The following C6 variants were observed in gnomAD, a reference collection of about 807,000 sequenced individuals.
C6 encodes the protein complement C6.
In C6, 101 loss-of-function variants were observed where a neutral mutation model predicts 112.9. The ratio of observed to expected loss-of-function variants is 0.89; its 90% confidence interval spans 0.76 to 1.06. C6 has a LOEUF of 1.06. C6 is among the 50% of genes least tolerant of loss of function. The pLI is 0.00. For synonymous variants in C6, 431 were observed against 384.1 expected (o/e 1.12, Z -1.43); for missense variants, 1,202 against 1,104.6 (o/e 1.09, Z -1.25).
At chr5:41,227,927 G>T (rs1739625129) in intron 1 of C6, among the ~76,000 whole-genome samples, 1 of 152,028 alleles carries the variant, frequency 6.6e-6, no homozygotes, top group Admixed American at 6.6e-5. Flanking sequence ...TGCTCTTTTG[G>T]CTAAAGATTA....
intron 1 of C6, among the ~76,000 whole-genome samples, chr5:41,204,074 A>G (rs1751238569): frequency 6.6e-6 from 1 of 152,210 alleles, no homozygotes; most frequent in Admixed American, 6.5e-5. Context: ...CCACCCCGTT[A>G]TTGCCAGTTT....
At chr5:41,259,262 T>C (rs1157415703) in intron 1 of C6, among the ~76,000 whole-genome samples, 1 of 145,852 alleles carries the variant, frequency 6.9e-6, no homozygotes. Context: ...TAACCTTAGT[T>C]CTTCTTAATG....
At chr5:41,255,040 G>A (rs1440877613) in intron 1 of C6, among the ~76,000 whole-genome samples, 1 of 152,054 alleles carries the variant, frequency 6.6e-6, no homozygotes, top group Admixed American at 6.6e-5. Flanking sequence ...TGCTTTGAGG[G>A]GCCAACTAGA....
chr5:41,193,509 A>G (rs1750374043), intron 5 of C6, among the ~76,000 whole-genome samples: 1 of 152,224 alleles, frequency 6.6e-6, no homozygotes, highest in Non-Finnish European at 1.5e-5. Flanking sequence ...TATAAATCAA[A>G]AATATATATT....
At chr5:41,173,051 A>G (rs1426027278) in intron 8 of C6, among the ~76,000 whole-genome samples, 1 of 152,118 alleles carries the variant, frequency 6.6e-6, no homozygotes, top group Non-Finnish European at 1.5e-5. Context: ...TGTTAATTCA[A>G]GCCTGTACTT....
chr5:41,211,043 A>C (rs1751875235), intron 1 of C6, among the ~76,000 whole-genome samples: 1 of 152,214 alleles, frequency 6.6e-6, no homozygotes, highest in South Asian at 2.1e-4. Context: ...TACACCATGG[A>C]ATACTATGTA....
chr5:41,251,205 T>G (rs1741337293), intron 1 of C6, among the ~76,000 whole-genome samples: 1 of 152,182 alleles, frequency 6.6e-6, no homozygotes, highest in Non-Finnish European at 1.5e-5. Flanking sequence ...TACATGCAAG[T>G]TCTTAAATAA....
rs111959520 is a variant in C6, at chr5:41,148,802, G to A, written c.2623+439C>T. On this transcript the variant is annotated intron_variant, in intron 17 of 17. Coordinates refer to ENST00000337836, the MANE Select transcript of C6 (RefSeq NM_000065.5). Reference sequence around the variant, plus strand: ...TGGCTAGACTAAGGCACTGAAAGAAGACTGAAAGAAATTTCAGGAAGATGC... The same window carrying A: ...TGGCTAGACTAAGGCACTGAAAGAAAACTGAAAGAAATTTCAGGAAGATGC... Among the ~76,000 whole-genome samples, 736 of 152,286 alleles carry A rather than the reference G, an allele frequency of 4.8e-3. 5 individuals are homozygous for A. Among genetic ancestry groups the A allele is most frequent in the African/African-American group, 0.017 (713 of 41,552 alleles).
intron 9 of C6, 32 bp from the exon 10 acceptor site, chr5:41,161,891 A>G (rs768373894): frequency 6.2e-7 from 1 of 1,606,906 alleles, no homozygotes; most frequent in Admixed American, 1.7e-5. Flanking sequence ...ATGCCCATTT[A>G]ATTTTAGTGC....
rs1746124267 is a variant in C6, at chr5:41,149,100, G to A, written c.2623+141C>T. 2.7e-6 allele frequency: 3 copies of A among 1,109,084 alleles called. No homozygotes were observed. The African/African-American group carries it at 4.6e-5, about 17-fold the overall frequency. 68.7% of individuals were successfully genotyped at this position (1,109,084 alleles called of 1,614,324 possible). On this transcript the variant is annotated intron_variant, in intron 17 of 17. Coordinates refer to ENST00000337836, the MANE Select transcript of C6 (RefSeq NM_000065.5). Reference sequence around the variant, plus strand: ...GTGGGTGATTATAATTTTCCTTTCTGTTTAAATCATTTTATGAATTTTTTT... The same window carrying A: ...GTGGGTGATTATAATTTTCCTTTCTATTTAAATCATTTTATGAATTTTTTT...
Position 41,160,380 on chromosome 5 carries a change from G to T in C6, c.1459-13C>A. ...CGATGGGGGCAAGCTAGGAGAAAATGGGAGAGAGGAGGTCCAGTCACATCC... is the reference window on the plus strand; with the variant it reads ...CGATGGGGGCAAGCTAGGAGAAAATTGGAGAGAGGAGGTCCAGTCACATCC... On this transcript the variant is annotated splice_polypyrimidine_tract_variant and intron_variant, in intron 10 of 17. Transcript: ENST00000337836. 1 of 1,602,434 alleles carries T rather than the reference G, an allele frequency of 6.2e-7. No homozygotes were observed. The highest frequency in any genetic ancestry group is 8.6e-7 in the Non-Finnish European group (1 of 1,169,508).
chr5:41,164,062 G>A (rs1747769241), intron 9 of C6, among the ~76,000 whole-genome samples: 1 of 149,668 alleles, frequency 6.7e-6, no homozygotes. Context: ...ATGCTAGCAA[G>A]ACTATGGAGA....
chr5:41,259,570 A>G (rs1374111631), intron 1 of C6, among the ~76,000 whole-genome samples: 1 of 152,096 alleles, frequency 6.6e-6, no homozygotes, highest in East Asian at 1.9e-4. Context: ...CTATTTTCCT[A>G]CAACAAGACT....
intron 5 of C6, among the ~76,000 whole-genome samples, chr5:41,186,921 A>G (rs1286120852): frequency 6.6e-6 from 1 of 152,178 alleles, no homozygotes; most frequent in Non-Finnish European, 1.5e-5. Context: ...TTATAGATAA[A>G]AAAACTTCTC....
chr5:41,145,451 C>A (rs1289330923), intron 17 of C6, among the ~76,000 whole-genome samples: 1 of 151,958 alleles, frequency 6.6e-6, no homozygotes, highest in African/African-American at 2.4e-5. Context: ...TATAAGTGTA[C>A]AAAAAAGAAA....
At chr5:41,201,853 A>G (rs1751060499) in intron 2 of C6, 139 bp from the exon 3 acceptor site, 1 of 754,206 alleles carries the variant, frequency 1.3e-6, no homozygotes, top group Non-Finnish European at 2.3e-6. Context: ...GCAGGTTGGC[A>G]TATATGCAGT....
intron 1 of C6, 66 bp from the exon 2 acceptor site, chr5:41,203,316 T>G: frequency 6.6e-7 from 1 of 1,511,532 alleles, no homozygotes; most frequent in Non-Finnish European, 9.2e-7. Flanking sequence ...CAAGTCATCC[T>G]GAGTCAGAGA....
intron 3 of C6, among the ~76,000 whole-genome samples, chr5:41,200,899 T>G (rs1403747197): frequency 3.1e-4 from 44 of 142,684 alleles, no homozygotes; most frequent in African/African-American, 6.2e-4. Flanking sequence ...TTGTTTTTTT[T>G]TTTTTTTTTT....
exon 1 of C6, chr5:41,261,258 T>A: frequency 1.0e-6 from 1 of 963,632 alleles, no homozygotes; most frequent in Non-Finnish European, 1.2e-6. Context: ...AAGTCCAGAG[T>A]AACTGGTTTC....
Sources: allele counts gnomAD v4.1 joint callset (sites outside exome capture counted in the v4.1 genomes callset), GRCh38; gene constraint gnomAD v4.1.1; transcripts MANE v1.5; gene names NCBI Gene and HGNC (gene_info 2026-07-23, HGNC 2026-07-21).